Variants in SEC22A observed in about 807,000 individuals in gnomAD.
SEC22A encodes the protein vesicle-trafficking protein SEC22a.
Under a neutral mutation model 35.3 loss-of-function variants are expected in SEC22A, and 22 were observed. The ratio of observed to expected loss-of-function variants is 0.62; its 90% CI spans 0.45 to 0.89. SEC22A has a LOEUF of 0.89. SEC22A is among the 40% of genes least tolerant of loss of function. SEC22A has a pLI of 0.00. For missense variants in SEC22A, 354 were observed against 362.5 expected (o/e 0.98, Z 0.19); for synonymous variants, 119 against 129.5 (o/e 0.92, Z 0.55).
intron 2 of SEC22A, among the ~76,000 whole-genome samples, chr3:123,220,473 A>G (rs1937098632): frequency 6.6e-6 from 1 of 152,228 alleles, no homozygotes; most frequent in African/African-American, 2.4e-5. Context: ...ATTAATTTGT[A>G]GAAAAAGGCA....
At chr3:123,268,089 T>A (rs1309737651) in intron 6 of SEC22A, among the ~76,000 whole-genome samples, 1 of 152,232 alleles carries the variant, frequency 6.6e-6, no homozygotes, top group Non-Finnish European at 1.5e-5. Context: ...TTGCCTTTTC[T>A]GAAGCCATGC....
chr3:123,203,053 C>CTTT (rs779433710), intron 1 of SEC22A, among the ~76,000 whole-genome samples: 476 of 43,792 alleles, frequency 0.011, 96 homozygotes, highest in African/African-American at 0.028. Context: ...TGTTTAGTGC[C>CTTT]TTTTTTTTTT....
At position 123,212,736 on chromosome 3, in the gene SEC22A, AG is replaced by A. The variant is rs139529772; in HGVS notation, c.182+3341del. ...GGCAATTTAGGAAAAAAAAAATTCA[AG>A]GGGCCAAGTAAGGGAGTCAAAAGAA... On this transcript the variant is annotated intron_variant, in intron 2 of 6. Coordinates refer to ENST00000492595, the MANE Select transcript of SEC22A (RefSeq NM_012430.5). Among the ~76,000 whole-genome samples, 1,195 of 152,262 alleles carry A rather than the reference AG, an allele frequency of 7.8e-3. 13 individuals are homozygous for A. Among genetic ancestry groups the A allele is most frequent in the African/African-American group, 0.027 (1,112 of 41,538 alleles).
intron 5 of SEC22A, among the ~76,000 whole-genome samples, chr3:123,254,108 AATT>A (rs1056319374): frequency 2.6e-5 from 4 of 152,174 alleles, no homozygotes; most frequent in Non-Finnish European, 5.9e-5. Context: ...AATATTCCCT[AATT>A]ATTATAAACA....
chr3:123,244,216 G>A (rs1372363107), intron 4 of SEC22A, among the ~76,000 whole-genome samples: 2 of 152,170 alleles, frequency 1.3e-5, no homozygotes, highest in South Asian at 2.1e-4. Flanking sequence ...ACCTTCTTAT[G>A]TTGTGGGCAG....
intron 4 of SEC22A, among the ~76,000 whole-genome samples, chr3:123,227,734 G>A (rs759778498): frequency 3.8e-4 from 58 of 151,912 alleles, no homozygotes; most frequent in Non-Finnish European, 6.6e-4. Context: ...TTTGAATCAC[G>A]AGGTCAGGAG....
Position 123,256,615 on chromosome 3 carries a change from G to A in SEC22A, c.658-2909G>A, listed in dbSNP as rs568521988. On this transcript the variant is annotated intron_variant, in intron 5 of 6. Transcript: ENST00000492595. ...TTTTTCTCTATGCAGAATTAGATGT[G>A]TCTCCATTGGGCTCCCTTAGTATCC... Among the ~76,000 whole-genome samples the A allele has an allele frequency of 7.2e-5, 11 of 152,176 alleles. No homozygotes were observed. The East Asian group carries it at 2.1e-3, about 29-fold the overall frequency.
intron 4 of SEC22A, among the ~76,000 whole-genome samples, chr3:123,233,127 C>G (rs142702356): frequency 1.3e-5 from 2 of 152,238 alleles, no homozygotes; most frequent in East Asian, 3.9e-4. Context: ...AAGACCATGT[C>G]TCTAAAAGAA....
At chr3:123,267,170 A>C (rs970638495) in intron 6 of SEC22A, among the ~76,000 whole-genome samples, 6 of 152,032 alleles carry the variant, frequency 3.9e-5, no homozygotes, top group Non-Finnish European at 8.8e-5. Context: ...GACAGACAGC[A>C]TGGGGTTGAT....
chr3:123,202,552 A>G (rs1936767635), intron 1 of SEC22A, among the ~76,000 whole-genome samples: 2 of 152,084 alleles, frequency 1.3e-5, no homozygotes, highest in African/African-American at 4.8e-5. Context: ...CTCAAGAGTC[A>G]CTTTGGGAAC....
At chr3:123,223,894 A>C (rs952617482) in intron 3 of SEC22A, among the ~76,000 whole-genome samples, 172 bp downstream of exon 3, 3 of 152,288 alleles carry the variant, frequency 2.0e-5, no homozygotes, top group Admixed American at 6.5e-5. Flanking sequence ...ATTAGAAAAA[A>C]ATTGTGTTTG....
chr3:123,259,648 T>G (rs1218716741), intron 6 of SEC22A, 59 bp downstream of exon 6: 1 of 1,106,354 alleles, frequency 9.0e-7, no homozygotes, highest in East Asian at 2.4e-5. Context: ...CGGGTATCAG[T>G]TCTAACAATT....
At chr3:123,205,928 A>G (rs950765602) in intron 1 of SEC22A, among the ~76,000 whole-genome samples, 2 of 152,142 alleles carry the variant, frequency 1.3e-5, no homozygotes, top group Non-Finnish European at 2.9e-5. Context: ...GAACTTACAA[A>G]TTGTATTCTT....
intron 1 of SEC22A, among the ~76,000 whole-genome samples, chr3:123,203,537 T>C (rs1936795054): frequency 6.6e-6 from 1 of 152,174 alleles, no homozygotes; most frequent in South Asian, 2.1e-4. Context: ...AATATATAGA[T>C]GTGGAAATTG....
At chr3:123,216,670 A>G (rs56739610) in intron 2 of SEC22A, among the ~76,000 whole-genome samples, 29,831 of 152,030 alleles carry the variant, frequency 0.2, 3,031 homozygotes, top group Middle Eastern at 0.28. Context: ...GCTACATGTA[A>G]TGGACACTCA....
chr3:123,264,740 C>T (rs1021853152), intron 6 of SEC22A, among the ~76,000 whole-genome samples: 30 of 151,478 alleles, frequency 2.0e-4, no homozygotes, highest in African/African-American at 6.3e-4. Context: ...GTGATTCTTC[C>T]GCCTTAGCCA....
intron 1 of SEC22A, chr3:123,208,719 C>CA (rs112639427): frequency 0.2 from 26,518 of 134,920 alleles, 2,340 homozygotes; most frequent in Middle Eastern, 0.31. Flanking sequence ...GATGCTGTCT[C>CA]AAAAAAAAAA....
chr3:123,211,683 A>T (rs1444581718), intron 2 of SEC22A, among the ~76,000 whole-genome samples: 1 of 152,004 alleles, frequency 6.6e-6, no homozygotes, highest in Non-Finnish European at 1.5e-5. Flanking sequence ...GACCTCAAAC[A>T]CCTGGGCTCA....
chr3:123,269,215 G>GTGTGTATATA (rs10642998), intron 6 of SEC22A, among the ~76,000 whole-genome samples: 2,257 of 136,862 alleles, frequency 0.016, 33 homozygotes, highest in Non-Finnish European at 0.021. Context: ...GTGTGTGTGT[G>GTGTGTATATA]TATATATTAC....
Sources: allele counts gnomAD v4.1 joint callset (sites outside exome capture counted in the v4.1 genomes callset), GRCh38; gene constraint gnomAD v4.1.1; transcripts MANE v1.5; gene names NCBI Gene and HGNC (gene_info 2026-07-23, HGNC 2026-07-21).